Variants in NCKAP5 observed in about 807,000 individuals in gnomAD.
NCKAP5 encodes the protein nck-associated protein 5.
In NCKAP5, 92 loss-of-function variants were observed where a neutral mutation model predicts 167.0. The observed-to-expected ratio is 0.55, with a 90% CI of 0.47 to 0.66. The LOEUF (loss-of-function observed/expected upper bound fraction) is 0.66. Ranked by LOEUF, NCKAP5 falls within the 30% of genes least tolerant of loss-of-function variation. NCKAP5 has a pLI of 0.00. For synonymous variants in NCKAP5, 891 were observed against 877.4 expected (o/e 1.02, Z -0.27); for missense variants, 2,378 against 2,315.0 (o/e 1.03, Z -0.56).
At chr2:132,872,124 G>C (rs977754378) in intron 9 of NCKAP5, among the ~76,000 whole-genome samples, 1 of 152,092 alleles carries the variant, frequency 6.6e-6, no homozygotes, top group Non-Finnish European at 1.5e-5. Flanking sequence ...TAGGCTGCAA[G>C]GGACTTGAAG....
At chr2:132,959,828 A>C (rs1455411692) in intron 8 of NCKAP5, among the ~76,000 whole-genome samples, 1 of 152,328 alleles carries the variant, frequency 6.6e-6, no homozygotes, top group South Asian at 2.1e-4. Flanking sequence ...TAAGTCAAAT[A>C]AACAGTCTCT....
chr2:133,124,778 G>A (rs1043186837), intron 6 of NCKAP5, among the ~76,000 whole-genome samples: 1 of 152,194 alleles, frequency 6.6e-6, no homozygotes, highest in African/African-American at 2.4e-5. Flanking sequence ...TACAAACTGG[G>A]CCTGGCATGG....
chr2:133,166,867 A>C (rs1041565488), intron 5 of NCKAP5, among the ~76,000 whole-genome samples: 4 of 152,282 alleles, frequency 2.6e-5, no homozygotes, highest in Admixed American at 6.5e-5. Context: ...TTCTTTTTGT[A>C]GTCTCTGGCA....
chr2:132,675,002 C>A (rs1684248078), intron 19 of NCKAP5, among the ~76,000 whole-genome samples: 2 of 152,158 alleles, frequency 1.3e-5, no homozygotes, highest in Admixed American at 1.3e-4. Context: ...CCTACATTTA[C>A]CAAATGGATG....
chr2:132,685,271 G>T (rs916784314), intron 19 of NCKAP5, among the ~76,000 whole-genome samples: 5 of 152,094 alleles, frequency 3.3e-5, no homozygotes, highest in African/African-American at 1.2e-4. Flanking sequence ...TCTCTCTCCT[G>T]CCTCCAGGAA....
chr2:133,608,904 T>C, the NCKAP5 span, among the ~76,000 whole-genome samples: 1 of 152,294 alleles, frequency 6.6e-6, no homozygotes. Flanking sequence ...CTCTCCATGG[T>C]CCCAGACCAA....
intron 16 of NCKAP5, among the ~76,000 whole-genome samples, chr2:132,746,379 T>C (rs562336821): frequency 6.6e-6 from 1 of 151,160 alleles, no homozygotes; most frequent in Non-Finnish European, 1.5e-5. Flanking sequence ...TTTCTCACAC[T>C]GTATATAAAA....
At chr2:133,286,722 G>A (rs1679168968) in intron 4 of NCKAP5, among the ~76,000 whole-genome samples, 1 of 152,154 alleles carries the variant, frequency 6.6e-6, no homozygotes, top group African/African-American at 2.4e-5. Flanking sequence ...ATGTCCAACA[G>A]GTGGCCATGA....
chr2:133,235,260 A>G (rs545867433), intron 4 of NCKAP5, among the ~76,000 whole-genome samples: 2 of 152,208 alleles, frequency 1.3e-5, no homozygotes, highest in East Asian at 3.9e-4. Flanking sequence ...GAGCAGTGAA[A>G]GTGTGAGTGA....
intron 3 of NCKAP5, among the ~76,000 whole-genome samples, chr2:133,406,260 C>A (rs1198740266): frequency 6.6e-6 from 1 of 152,184 alleles, no homozygotes; most frequent in African/African-American, 2.4e-5. Flanking sequence ...TTTCATTTAA[C>A]TAAGTTGATT....
chr2:133,452,739 C>T (rs1031265324), intron 3 of NCKAP5, among the ~76,000 whole-genome samples: 1 of 152,130 alleles, frequency 6.6e-6, no homozygotes, highest in Non-Finnish European at 1.5e-5. Flanking sequence ...CTGTGAAACA[C>T]ACAGAAAAGG....
intron 3 of NCKAP5, among the ~76,000 whole-genome samples, chr2:133,454,187 T>G (rs773969160): frequency 2.0e-5 from 3 of 152,068 alleles, no homozygotes; most frequent in Non-Finnish European, 2.9e-5. Flanking sequence ...ACTTGGCTTT[T>G]AGAGGGCAGC....
the NCKAP5 span, among the ~76,000 whole-genome samples, chr2:133,617,420 A>G: frequency 6.7e-6 from 1 of 148,282 alleles, no homozygotes; most frequent in Non-Finnish European, 1.5e-5. Flanking sequence ...TCTCAGCCCA[A>G]AATCTCCTTA....
intron 19 of NCKAP5, among the ~76,000 whole-genome samples, chr2:132,723,841 T>C (rs1690187065): frequency 6.6e-6 from 1 of 152,198 alleles, no homozygotes; most frequent in African/African-American, 2.4e-5. Flanking sequence ...TTCAGTTTTC[T>C]CAATACAGCA....
At chr2:133,070,030 A>G (rs1218466428) in intron 6 of NCKAP5, among the ~76,000 whole-genome samples, 1 of 152,188 alleles carries the variant, frequency 6.6e-6, no homozygotes, top group African/African-American at 2.4e-5. Flanking sequence ...AATGCCATTA[A>G]TATCACTTAC....
intron 6 of NCKAP5, among the ~76,000 whole-genome samples, chr2:133,003,929 C>A (rs115487024): frequency 6.6e-6 from 1 of 152,108 alleles, no homozygotes; most frequent in Admixed American, 6.5e-5. Context: ...GCTAACTGCA[C>A]GGAGAGAGGC....
At chr2:132,879,919 A>G (rs998125889) in intron 8 of NCKAP5, among the ~76,000 whole-genome samples, 1 of 152,194 alleles carries the variant, frequency 6.6e-6, no homozygotes, top group African/African-American at 2.4e-5. Flanking sequence ...ACTTATATCA[A>G]TGGATGAATG....
intron 5 of NCKAP5, among the ~76,000 whole-genome samples, chr2:133,168,912 C>G (rs1387395204): frequency 1.3e-5 from 2 of 152,106 alleles, no homozygotes; most frequent in African/African-American, 4.8e-5. Flanking sequence ...GAACCATAGA[C>G]AGCATTTCCA....
chr2:132,839,358 T>C (rs1030247963), intron 11 of NCKAP5, among the ~76,000 whole-genome samples: 6 of 152,188 alleles, frequency 3.9e-5, no homozygotes, highest in Non-Finnish European at 8.8e-5. Context: ...AGATAACCAG[T>C]TATACCTGTT....
Sources: allele counts gnomAD v4.1 joint callset (sites outside exome capture counted in the v4.1 genomes callset), GRCh38; gene constraint gnomAD v4.1.1; transcripts MANE v1.5; gene names NCBI Gene and HGNC (gene_info 2026-07-23, HGNC 2026-07-21).